The following KCNS3 variants were observed in gnomAD, a reference collection of about 807,000 sequenced individuals.
KCNS3 encodes the protein potassium voltage-gated channel modifier subfamily S member 3, also known as delayed-rectifier potassium channel regulatory subunit KCNS3.
KCNS3 carries 13 observed loss-of-function variants against 31.0 expected under a neutral mutation model. The ratio of observed to expected loss-of-function variants is 0.42; its 90% confidence interval spans 0.27 to 0.67. The LOEUF (loss-of-function observed/expected upper bound fraction) is 0.67, where lower values mean the gene tolerates loss of function less well. Ranked by LOEUF, KCNS3 falls within the 30% of genes least tolerant of loss-of-function variation. The pLI, the probability that KCNS3 is intolerant of heterozygous loss-of-function variation, is 0.25. For missense variants in KCNS3, 545 were observed against 622.4 expected (o/e 0.88, Z 1.32); for synonymous variants, 238 against 241.5 (o/e 0.99, Z 0.13).
rs570658992 is a variant in KCNS3, at chr2:17,885,894, A to G, written c.-252+7088A>G. Among the ~76,000 whole-genome samples, 302 of 152,338 alleles carry G rather than the reference A, an allele frequency of 2.0e-3. 3 individuals are homozygous for G. The highest frequency in any genetic ancestry group is 6.5e-3 in the African/African-American group (272 of 41,582). ...ACAGAATATACTGGCCTAAACATCA[A>G]TAATGACCGTCACAGATAACCTGAT... On this transcript the variant is annotated intron_variant, in intron 1 of 2. Coordinates refer to ENST00000304101, the MANE Select transcript of KCNS3 (RefSeq NM_002252.5).
At chr2:17,909,880 A>T (rs1662430290) in intron 1 of KCNS3, among the ~76,000 whole-genome samples, 1 of 152,140 alleles carries the variant, frequency 6.6e-6, no homozygotes, top group Non-Finnish European at 1.5e-5. Context: ...GGGAGGGTGG[A>T]TGGTGGGCAC....
chr2:17,929,513 A>G (rs113984602), intron 2 of KCNS3, among the ~76,000 whole-genome samples: 2,453 of 152,258 alleles, frequency 0.016, 58 homozygotes, highest in African/African-American at 0.051. Context: ...CCATGATCCA[A>G]TCACCTCCCA....
intron 1 of KCNS3, among the ~76,000 whole-genome samples, chr2:17,916,547 G>C (rs1046270074): frequency 5.9e-5 from 9 of 152,200 alleles, no homozygotes; most frequent in African/African-American, 2.2e-4. Flanking sequence ...ATCTCTGTTG[G>C]AGGTGGGAAT....
intron 2 of KCNS3, among the ~76,000 whole-genome samples, chr2:17,922,952 G>C (rs1229755137): frequency 6.6e-6 from 1 of 151,956 alleles, no homozygotes; most frequent in Non-Finnish European, 1.5e-5. Context: ...AGTTCTCTTG[G>C]GACTATACCT....
intron 2 of KCNS3, among the ~76,000 whole-genome samples, chr2:17,923,378 T>A (rs1468610877): frequency 6.6e-6 from 1 of 152,302 alleles, no homozygotes; most frequent in East Asian, 1.9e-4. Flanking sequence ...ATCAGATATA[T>A]GATTTGCAAA....
chr2:17,886,819 G>A (rs1175567894), intron 1 of KCNS3, among the ~76,000 whole-genome samples: 1 of 151,642 alleles, frequency 6.6e-6, no homozygotes, highest in Non-Finnish European at 1.5e-5. Context: ...AGTGTAAAAA[G>A]GTATCAGGGT....
At chr2:17,908,659 T>C (rs1662396088) in intron 1 of KCNS3, among the ~76,000 whole-genome samples, 2 of 152,216 alleles carry the variant, frequency 1.3e-5, no homozygotes, top group African/African-American at 4.8e-5. Context: ...CCTTTCTGTT[T>C]GTTAGTTTTC....
At chr2:17,895,470 A>AGG (rs1662003184) in intron 1 of KCNS3, among the ~76,000 whole-genome samples, 1 of 152,160 alleles carries the variant, frequency 6.6e-6, no homozygotes, top group Non-Finnish European at 1.5e-5. Context: ...TGGAGTCCCT[A>AGG]AGAAAGCCAA....
chr2:17,926,019 A>G (rs1662829973), intron 2 of KCNS3, among the ~76,000 whole-genome samples: 1 of 152,226 alleles, frequency 6.6e-6, no homozygotes. Flanking sequence ...CATTGGATAA[A>G]TGCTTCCATT....
Position 17,894,449 on chromosome 2 carries a change from T to G in KCNS3, c.-252+15643T>G, listed in dbSNP as rs73918974. Among the ~76,000 whole-genome samples, 388 of 152,328 alleles carry G rather than the reference T, an allele frequency of 2.5e-3. 3 individuals carry two copies. Among genetic ancestry groups the G allele is most frequent in the African/African-American group, 9.0e-3 (375 of 41,564 alleles). On this transcript the variant is annotated intron_variant, in intron 1 of 2. Coordinates refer to ENST00000304101, the MANE Select transcript of KCNS3 (RefSeq NM_002252.5). Reference sequence around the variant, plus strand: ...AAACCACAAAAGAGCATATTATATTTTTTTGTGTAACAGACAATAACAGTC... The same window carrying G: ...AAACCACAAAAGAGCATATTATATTGTTTTGTGTAACAGACAATAACAGTC...
chr2:17,929,690 A>G (rs1662912873), intron 2 of KCNS3, among the ~76,000 whole-genome samples: 1 of 152,196 alleles, frequency 6.6e-6, no homozygotes, highest in Non-Finnish European at 1.5e-5. Flanking sequence ...AGTAATCCCA[A>G]AGATGCTTGA....
intron 2 of KCNS3, among the ~76,000 whole-genome samples, chr2:17,918,631 G>A (rs1219102287): frequency 6.6e-6 from 1 of 152,178 alleles, no homozygotes; most frequent in African/African-American, 2.4e-5. Context: ...CCAGATAAAA[G>A]CAAGTATCTT....
intron 1 of KCNS3, among the ~76,000 whole-genome samples, chr2:17,916,834 T>A (rs2125248493): frequency 6.6e-6 from 1 of 152,002 alleles, no homozygotes; most frequent in African/African-American, 2.4e-5. Flanking sequence ...GGCACTTTTT[T>A]TTTTTTTTAT....
chr2:17,902,519 T>G (rs1399920926), intron 1 of KCNS3, among the ~76,000 whole-genome samples: 3 of 152,142 alleles, frequency 2.0e-5, no homozygotes, highest in East Asian at 1.9e-4. Flanking sequence ...AAACTGGTGG[T>G]TTTTATGAAA....
At chr2:17,923,324 A>C (rs1271995634) in intron 2 of KCNS3, among the ~76,000 whole-genome samples, 3 of 151,968 alleles carry the variant, frequency 2.0e-5, no homozygotes, top group African/African-American at 7.2e-5. Context: ...TTGTCTTTTT[A>C]TTATTGAGTT....
intron 2 of KCNS3, among the ~76,000 whole-genome samples, chr2:17,921,913 G>GTATATATATATATATATATA (rs1373281256): frequency 5.9e-5 from 2 of 34,106 alleles, no homozygotes; most frequent in Non-Finnish European, 1.1e-4. Flanking sequence ...GTGTGTGTGT[G>GTATATATATATATATATATA]TGTATATATA....
chr2:17,887,024 T>A (rs1361686462), intron 1 of KCNS3, among the ~76,000 whole-genome samples: 1 of 152,302 alleles, frequency 6.6e-6, no homozygotes, highest in East Asian at 1.9e-4. Flanking sequence ...GAGAACCGAA[T>A]TTTCTTCTCC....
rs779009471 is a variant in KCNS3 at position 17,931,692 on chromosome 2, G to T, written c.684G>T (p.Ala228=). 56 of 1,614,002 alleles carry T rather than the reference G, an allele frequency of 3.5e-5. No individual in the cohort carries two copies. The highest frequency in any genetic ancestry group is 4.5e-5 in the Non-Finnish European group (53 of 1,180,032). ...CGGTGCTGGAAGGAGTGGAGATCGC[G>T]TGCATTGCCTGGTTCACCGGGGAGC... ...DDPVLEGVEI[A]CIAWFTGELA... The change falls in exon 3 of 3, where the codon GCG becomes GCT. Residue 228 remains alanine (A), a synonymous_variant. Transcript: ENST00000304101. This position sits in a 1 kb window ranked among gnomAD's most constrained non-coding sequence, Gnocchi z 5.4.
intron 2 of KCNS3, among the ~76,000 whole-genome samples, chr2:17,918,403 A>G (rs1423159272): frequency 2.6e-5 from 4 of 152,216 alleles, no homozygotes; most frequent in Non-Finnish European, 5.9e-5. Flanking sequence ...TCCTGGGAAG[A>G]CGGAATGATA....
Sources: gnomAD v4.1 joint callset for allele counts (sites outside exome capture counted in the v4.1 genomes callset) on GRCh38, gnomAD v4.1.1 for gene constraint, Gnocchi (gnomAD v3.1) non-coding constraint, MANE v1.5 for transcripts, NCBI Gene and HGNC (gene_info 2026-07-23, HGNC 2026-07-21) for gene names.